Variants in RPTOR observed in about 807,000 individuals in gnomAD.
The protein encoded by RPTOR is regulatory associated protein of MTOR complex 1.
RPTOR carries 21 observed loss-of-function variants against 169.9 expected under a neutral mutation model. That is an observed-to-expected ratio of 0.12 (90% confidence interval 0.09 to 0.18). RPTOR has a LOEUF of 0.18. RPTOR is among the 10% of genes least tolerant of loss of function. The pLI is 1.00. For missense variants in RPTOR, 1,133 were observed against 1,855.9 expected, an observed-to-expected ratio of 0.61 and a Z score of 7.16; for synonymous variants, 732 against 753.2, an observed-to-expected ratio of 0.97 and a Z score of 0.46.
chr17:80,752,717 G>A (rs149018671), intron 5 of RPTOR, among the ~76,000 whole-genome samples: 2 of 152,324 alleles, frequency 1.3e-5, no homozygotes, highest in East Asian at 3.9e-4. Context: ...GTTGAATGCT[G>A]TGGTTTTTTG....
At chr17:80,854,193 G>A (rs10871489) in intron 11 of RPTOR, among the ~76,000 whole-genome samples, 89,347 of 152,104 alleles carry the variant, frequency 0.59, 29,114 homozygotes, top group East Asian at 0.76. Context: ...AAGAAATCCA[G>A]ATGAAAAGGA....
intron 20 of RPTOR, 93 bp from the exon 21 acceptor site, chr17:80,908,718 A>T: frequency 1.2e-6 from 1 of 864,810 alleles, no homozygotes; most frequent in South Asian, 1.5e-5. Context: ...AACACTTCTG[A>T]TACCAGGGTT....
intron 20 of RPTOR, among the ~76,000 whole-genome samples, chr17:80,899,948 C>T (rs1442116516): frequency 6.6e-6 from 1 of 152,188 alleles, no homozygotes; most frequent in African/African-American, 2.4e-5. Flanking sequence ...GCTTGGGATT[C>T]TCCCACGGAT....
chr17:80,740,799 C>T (rs1598270178), intron 5 of RPTOR, among the ~76,000 whole-genome samples: 1 of 152,036 alleles, frequency 6.6e-6, no homozygotes, highest in Non-Finnish European at 1.5e-5. Context: ...AAAAACCTAA[C>T]AGCCGTCCTT....
At position 80,726,773 on chromosome 17, in the gene RPTOR, A is replaced by G. The variant is rs1230943992; in HGVS notation, c.508-3787A>G. 6.6e-6 allele frequency among the ~76,000 whole-genome samples: 1 copy of G among 152,162 alleles called. No individual in the cohort carries two copies. The highest frequency in any genetic ancestry group is 1.5e-5 in the Non-Finnish European group (1 of 68,026). On this transcript the variant is annotated intron_variant, in intron 4 of 33. Coordinates refer to ENST00000306801, the MANE Select transcript of RPTOR (RefSeq NM_020761.3). The surrounding 1 kb of genome is among the most constrained non-coding windows in gnomAD (Gnocchi z 4.5). ...GCCCAGAACATTATAGGAGGTAAAT[A>G]AATAGCACGCAGTGTTCTGGGGGTA... is the stretch of plus-strand genomic sequence containing the variant.
chr17:80,951,714 C>G (rs1273412185), intron 28 of RPTOR, among the ~76,000 whole-genome samples: 1 of 152,224 alleles, frequency 6.6e-6, no homozygotes, highest in Non-Finnish European at 1.5e-5. Context: ...TAGGGTTCAC[C>G]TGACTATACC....
intron 3 of RPTOR, among the ~76,000 whole-genome samples, chr17:80,658,868 T>C (rs2065699512): frequency 6.6e-6 from 1 of 152,218 alleles, no homozygotes; most frequent in Non-Finnish European, 1.5e-5. Context: ...AGTTCTCTGG[T>C]GAAAATTTTC....
At chr17:80,885,237 C>A (rs1020135668) in intron 17 of RPTOR, 89 bp downstream of exon 17, 2 of 1,414,260 alleles carry the variant, frequency 1.4e-6, no homozygotes, top group African/African-American at 1.4e-5. Flanking sequence ...CTGACCACAG[C>A]AGGGAGCACT....
At chr17:80,771,215 C>T (rs1052557585) in intron 6 of RPTOR, among the ~76,000 whole-genome samples, 2 of 152,182 alleles carry the variant, frequency 1.3e-5, no homozygotes, top group Non-Finnish European at 2.9e-5. Flanking sequence ...TGTTCTCCCA[C>T]GGCTGTGTTC....
chr17:80,735,898 G>A (rs2066429696), intron 5 of RPTOR, among the ~76,000 whole-genome samples: 1 of 152,156 alleles, frequency 6.6e-6, no homozygotes, highest in Admixed American at 6.5e-5. Flanking sequence ...CCTGGCCGGT[G>A]CGGTGGCTCA....
At chr17:80,961,631 G>A in intron 31 of RPTOR, 151 bp downstream of exon 31, 2 of 910,872 alleles carry the variant, frequency 2.2e-6, no homozygotes, top group Admixed American at 2.7e-5. Context: ...AGAAAGATCA[G>A]GCGCAGCCCG....
Position 80,922,869 on chromosome 17 carries a change from C to A in RPTOR, c.2624+42C>A, listed in dbSNP as rs985453708. The stretch of plus-strand genomic sequence containing the variant: ...CAGCCTGCAGGTCCGTGGTGGTGAC[C>A]GGGGCCCCACGGGCTGAGCTGTCCC... On this transcript the variant is annotated intron_variant, in intron 22 of 33. Coordinates refer to ENST00000306801, the MANE Select transcript of RPTOR (RefSeq NM_020761.3). The A allele has an allele frequency of 4.0e-6, 6 of 1,494,840 alleles. No individual in the cohort carries two copies. The East Asian group carries it at 1.5e-4, about 37-fold the overall frequency. 92.6% of individuals were successfully genotyped at this position (1,494,840 alleles called of 1,614,324 possible). A position where few individuals can be genotyped will look rare whatever the true frequency, so the allele number is the denominator to read the frequency against.
Position 80,708,070 on chromosome 17 carries a change from C to A in RPTOR, c.507+71C>A. On this transcript the variant is annotated intron_variant, in intron 4 of 33. Coordinates refer to ENST00000306801, the MANE Select transcript of RPTOR (RefSeq NM_020761.3). This position sits in a 1 kb window ranked among gnomAD's most constrained non-coding sequence, Gnocchi z 4.2. ...GCCAATTGCGGTGGTCGGAGCAGGT[C>A]CTGCCCATCCGTAGCTTCTGTTAAG... The A allele has an allele frequency of 1.4e-6, 2 of 1,451,584 alleles. No individual in the cohort carries two copies. The highest frequency in any genetic ancestry group is 1.9e-6 in the Non-Finnish European group (2 of 1,064,918). The allele number at this position is 1,451,584 out of a possible 1,614,324, so 89.9% of individuals were successfully genotyped here.
intron 1 of RPTOR, among the ~76,000 whole-genome samples, chr17:80,571,508 T>C (rs1362014905): frequency 6.6e-6 from 1 of 152,192 alleles, no homozygotes; most frequent in East Asian, 1.9e-4. Context: ...CTTCCTTTTG[T>C]TGGCAATAAT....
At chr17:80,548,670 G>A (rs1273341040) in intron 1 of RPTOR, among the ~76,000 whole-genome samples, 1 of 152,034 alleles carries the variant, frequency 6.6e-6, no homozygotes, top group African/African-American at 2.4e-5. Flanking sequence ...ACAGCACCTG[G>A]CCCTGGGGTG....
At chr17:80,790,902 T>C (rs2067040933) in intron 6 of RPTOR, among the ~76,000 whole-genome samples, 1 of 152,248 alleles carries the variant, frequency 6.6e-6, no homozygotes, top group African/African-American at 2.4e-5. Flanking sequence ...CTACCTCCTG[T>C]TGGCGCCACG....
intron 2 of RPTOR, among the ~76,000 whole-genome samples, chr17:80,629,815 G>A (rs1404316826): frequency 2.6e-5 from 4 of 151,790 alleles, no homozygotes; most frequent in Non-Finnish European, 5.9e-5. Context: ...CTGGGACTCA[G>A]CTCTCTATGT....
At chr17:80,788,336 G>T (rs12450690) in intron 6 of RPTOR, among the ~76,000 whole-genome samples, 39,408 of 151,852 alleles carry the variant, frequency 0.26, 5,340 homozygotes, top group Non-Finnish European at 0.29. Flanking sequence ...GCCGGGCATG[G>T]TGGCGGGAGG....
In RPTOR at chr17:80,545,786, G is replaced by T; in HGVS notation, c.157G>T (p.Asp53Tyr). ...KSLAQSWRMK[D>Y]RMKTVSVALV... ...CTTAGCTCAGAGCTGGAGGATGAAG[G>T]ATCGGGTAAGTGGATTCTGAAGGCA... Residue 53 changes from aspartate (D) to tyrosine (Y), a missense_variant, in exon 1 of 34, where the codon GAT (aspartate) becomes TAT (tyrosine). By Grantham distance (160) the Asp-to-Tyr change is radical. This residue lies in a region of RPTOR where 47 missense variants were observed against 59.5 expected (regional missense o/e 0.79). Coordinates refer to ENST00000306801, the MANE Select transcript of RPTOR (RefSeq NM_020761.3). The T allele has an allele frequency of 6.2e-7, 1 of 1,608,180 alleles. No individual in the cohort carries two copies. Among genetic ancestry groups the T allele is most frequent in the South Asian group, 1.1e-5 (1 of 90,490 alleles).
Sources: gnomAD v4.1 joint callset for allele counts (sites outside exome capture counted in the v4.1 genomes callset) on GRCh38, gnomAD v4.1.1 for gene constraint, gnomAD v4.1.1 regional missense constraint, Gnocchi (gnomAD v3.1) non-coding constraint, MANE v1.5 for transcripts, NCBI Gene and HGNC (gene_info 2026-07-23, HGNC 2026-07-21) for gene names.